The following TIMD4 variants were observed in gnomAD, a reference collection of about 807,000 sequenced individuals.
The protein encoded by TIMD4 is T-cell immunoglobulin and mucin domain-containing protein 4.
TIMD4 carries 31 observed loss-of-function variants against 41.2 expected under a neutral mutation model. The ratio of observed to expected loss-of-function variants is 0.75; its 90% confidence interval spans 0.57 to 1.01. TIMD4 has a LOEUF of 1.01. Ranked by LOEUF, TIMD4 falls within the 50% of genes least tolerant of loss-of-function variation. TIMD4 has a pLI of 0.00. For synonymous variants in TIMD4, 204 were observed against 177.1 expected, an observed-to-expected ratio of 1.15 and a Z score of -1.21; for missense variants, 479 against 472.5, an observed-to-expected ratio of 1.01 and a Z score of -0.13.
At chr5:156,923,315 A>AT (rs201531167) in intron 6 of TIMD4, among the ~76,000 whole-genome samples, 1 of 151,398 alleles carries the variant, frequency 6.6e-6, no homozygotes, top group African/African-American at 2.4e-5. Flanking sequence ...AGCCCGGCTA[A>AT]TTTTTTTGTT....
At position 156,919,480 on chromosome 5, in the gene TIMD4, C is replaced by G; in HGVS notation, c.1114G>C (p.Glu372Gln). Residue 372 changes from glutamate to glutamine, a missense_variant, in exon 9 of 9, where the codon GAA becomes CAA. By Grantham distance (29) the Glu-to-Gln change is conservative. Transcript: ENST00000274532. ...TGTTAGAGGGTAAAAAGGCCGTCTT[C>G]GTCTTCCCTTCCATGCTGCACGTCA... The part of the protein sequence containing the change: ...LNDVQHGRED[E>Q]DGLFTL 2 of 1,614,072 alleles carry G rather than the reference C, an allele frequency of 1.2e-6. No homozygotes were observed. The highest frequency in any genetic ancestry group is 1.7e-6 in the Non-Finnish European group (2 of 1,179,958).
intron 5 of TIMD4, chr5:156,935,671 G>A (rs1759525804): frequency 6.6e-6 from 1 of 152,178 alleles, no homozygotes; most frequent in African/African-American, 2.4e-5. Context: ...AGGGATTCTA[G>A]AACACCATTG....
At chr5:156,946,982 G>T (rs535518527) in intron 5 of TIMD4, among the ~76,000 whole-genome samples, 1 of 151,994 alleles carries the variant, frequency 6.6e-6, no homozygotes, top group Admixed American at 6.6e-5. Context: ...TGGATCACCT[G>T]AGCTTAGGAG....
Position 156,951,633 on chromosome 5 carries a change from T to G in TIMD4, c.558A>C (p.Thr186=), listed in dbSNP as rs201117414. 9 of 1,613,976 alleles carry G rather than the reference T, an allele frequency of 5.6e-6. No homozygotes were observed. Among genetic ancestry groups the G allele is most frequent in the Non-Finnish European group, 7.6e-6 (9 of 1,180,030 alleles). Residue 186 remains threonine, a synonymous_variant, in exon 3 of 9, where the codon ACA becomes ACC. Transcript: ENST00000274532. ...TTGCTGTTGTGAAGACGGCAATGGT[T>G]GTCATCTGGAGTGGTGTTCCGGTTG... is the stretch of plus-strand genomic sequence containing the variant. ...DLTTGTPLQM[T]TIAVFTTANT...
rs200005171 is a variant in TIMD4, at chr5:156,951,508, G to A, written c.679+4C>T. 31 of 1,613,954 alleles carry A rather than the reference G, an allele frequency of 1.9e-5. No individual in the cohort carries two copies. Among genetic ancestry groups the A allele is most frequent in the Middle Eastern group, 3.3e-4 (2 of 6,084 alleles). Reference sequence around the variant, plus strand: ...TCTAAGAAACCCAAGATACATCTGCGTACCTGCAGTGAGGATGGGCCCTTC... The same window carrying A: ...TCTAAGAAACCCAAGATACATCTGCATACCTGCAGTGAGGATGGGCCCTTC... On this transcript the variant is annotated splice_donor_region_variant and intron_variant, in intron 3 of 8. Transcript: ENST00000274532.
chr5:156,947,877 T>G (rs1759773226), intron 5 of TIMD4, among the ~76,000 whole-genome samples: 1 of 152,220 alleles, frequency 6.6e-6, no homozygotes. Context: ...TCTGTTTCTA[T>G]GCACTCCTAA....
chr5:156,935,152 G>A (rs1219386598), intron 5 of TIMD4, among the ~76,000 whole-genome samples: 2 of 151,924 alleles, frequency 1.3e-5, no homozygotes, highest in Non-Finnish European at 2.9e-5. Context: ...TTAAGAGTTG[G>A]GAGGGATTTG....
intron 5 of TIMD4, among the ~76,000 whole-genome samples, chr5:156,940,977 T>C (rs1759640175): frequency 6.6e-6 from 1 of 152,192 alleles, no homozygotes; most frequent in South Asian, 2.1e-4. Context: ...CTAAGAAAAA[T>C]TCTTCTGCCT....
chr5:156,942,900 C>A (rs543526839), intron 5 of TIMD4, among the ~76,000 whole-genome samples: 1 of 152,236 alleles, frequency 6.6e-6, no homozygotes, highest in African/African-American at 2.4e-5. Context: ...AGGAATAAAA[C>A]CAATAATTGA....
At chr5:156,933,669 G>A (rs1354406063) in intron 5 of TIMD4, among the ~76,000 whole-genome samples, 2 of 152,018 alleles carry the variant, frequency 1.3e-5, no homozygotes, top group African/African-American at 2.4e-5. Flanking sequence ...CCAGGTTCAA[G>A]CGATTCTCCT....
intron 5 of TIMD4, among the ~76,000 whole-genome samples, chr5:156,939,790 T>C (rs1759606147): frequency 6.6e-6 from 1 of 152,244 alleles, no homozygotes; most frequent in African/African-American, 2.4e-5. Flanking sequence ...CTCTCTATTG[T>C]TGTTGCTGCT....
intron 5 of TIMD4, among the ~76,000 whole-genome samples, chr5:156,940,354 T>C (rs1286647323): frequency 6.6e-6 from 1 of 152,210 alleles, no homozygotes; most frequent in African/African-American, 2.4e-5. Flanking sequence ...AGTGCTGAGA[T>C]TGCAGCCTCT....
At chr5:156,934,301 A>G (rs1759499868) in intron 5 of TIMD4, among the ~76,000 whole-genome samples, 1 of 152,196 alleles carries the variant, frequency 6.6e-6, no homozygotes, top group African/African-American at 2.4e-5. Flanking sequence ...GCTTAAGTGC[A>G]GTGTGCAATC....
intron 1 of TIMD4, among the ~76,000 whole-genome samples, chr5:156,958,308 G>A (rs1428588339): frequency 3.1e-4 from 1 of 3,228 alleles, no homozygotes; most frequent in Non-Finnish European, 4.9e-4. Context: ...AAAGAAAGAA[G>A]GAAAGGAAAG....
intron 1 of TIMD4, among the ~76,000 whole-genome samples, chr5:156,960,684 G>C (rs372086333): frequency 7.0e-4 from 107 of 152,252 alleles, no homozygotes; most frequent in African/African-American, 2.5e-3. Context: ...CAGGATTATA[G>C]GCATGAGCCA....
chr5:156,951,241 C>G (rs1175425358), intron 3 of TIMD4, among the ~76,000 whole-genome samples: 2 of 152,190 alleles, frequency 1.3e-5, no homozygotes, highest in Non-Finnish European at 2.9e-5. Flanking sequence ...AGAGGGAAGA[C>G]AGCCACCTGC....
chr5:156,933,905 A>G (rs893725044), intron 5 of TIMD4, among the ~76,000 whole-genome samples: 3 of 152,128 alleles, frequency 2.0e-5, no homozygotes, highest in African/African-American at 4.8e-5. Context: ...CTATTGGTCT[A>G]CTGGTGCAAA....
rs1257003344 is a variant in TIMD4, at chr5:156,954,598, C to T, written c.217G>A (p.Gly73Arg). ...GACTTTCTTGAGGTCACCCTCATTCCATCAGTGCGGATGAGCGCCTCCTTG... is the reference window on the plus strand; with the variant it reads ...GACTTTCTTGAGGTCACCCTCATTCTATCAGTGCGGATGAGCGCCTCCTTG... ...GCKEALIRTD[G>R]MRVTSRKSAK... Residue 73 changes from glycine (G) to arginine (R), a missense_variant, in exon 2 of 9, where the codon GGA becomes AGA. Coordinates refer to ENST00000274532, the MANE Select transcript of TIMD4 (RefSeq NM_138379.3). 3.7e-6 allele frequency: 6 copies of T among 1,614,134 alleles called. No individual in the cohort carries two copies. The highest frequency in any genetic ancestry group is 1.7e-5 in the Admixed American group (1 of 60,012).
chr5:156,924,009 T>C (rs1361328829), intron 6 of TIMD4: 1 of 184,838 alleles, frequency 5.4e-6, no homozygotes, highest in Non-Finnish European at 1.1e-5. Context: ...CGGCTATTTT[T>C]TTTTTAATTT....
Sources: gnomAD v4.1 joint callset for allele counts (sites outside exome capture counted in the v4.1 genomes callset) on GRCh38, gnomAD v4.1.1 for gene constraint, MANE v1.5 for transcripts, NCBI Gene and HGNC (gene_info 2026-07-23, HGNC 2026-07-21) for gene names.